Variants in MCM9 observed in about 807,000 individuals in gnomAD.
MCM9 encodes DNA helicase MCM9.
A neutral mutation model predicts 72.8 loss-of-function variants in MCM9; 55 were observed. That is an observed-to-expected ratio of 0.76 (90% CI 0.61 to 0.95). The LOEUF (loss-of-function observed/expected upper bound fraction) is 0.95. MCM9 is among the 40% of genes least tolerant of loss of function. MCM9 has a pLI of 0.00. For synonymous variants in MCM9, 480 were observed against 503.4 expected (o/e 0.95, Z 0.62); for missense variants, 1,279 against 1,377.0 (o/e 0.93, Z 1.13).
At chr6:118,911,055 A>T (rs1342969624) in intron 8 of MCM9, 3 of 983,496 alleles carry the variant, frequency 3.1e-6, no homozygotes, top group South Asian at 9.4e-5. Flanking sequence ...TTTTAAAATA[A>T]TTTTTTTCTA....
chr6:118,905,677 T>C, intron 8 of MCM9: 2 of 1,613,122 alleles, frequency 1.2e-6, no homozygotes, highest in Non-Finnish European at 8.5e-7. Context: ...CCAGGACTCA[T>C]TCCAGATGCA....
intron 11 of MCM9, 136 bp from the exon 12 acceptor site, chr6:118,827,000 A>G (rs2114545287): frequency 5.8e-6 from 4 of 694,666 alleles, no homozygotes; most frequent in African/African-American, 3.6e-5. Flanking sequence ...AACAAGCACA[A>G]AAGTCAACAT....
chr6:118,923,928 C>T lies in MCM9; in HGVS notation c.504G>A (p.Arg168=), dbSNP rs775914314. 6.8e-6 allele frequency: 11 copies of T among 1,614,192 alleles called. No homozygotes were observed. The African/African-American group carries it at 1.2e-4, about 18-fold the overall frequency. Reference sequence around the variant, plus strand: ...TCTCCAAGCTGGGACACGAGGATGGCCGGCAAAAGGTGTAATACTGCTCAA... The same window carrying T: ...TCTCCAAGCTGGGACACGAGGATGGTCGGCAAAAGGTGTAATACTGCTCAA... ...ADFEQYYTFC[R]PSSCPSLESC... is the part of the protein sequence containing the mutation. The change falls in exon 4 of 14, where the codon CGG becomes CGA. Residue 168 remains arginine, a synonymous_variant. Coordinates refer to ENST00000619706, the MANE Select transcript of MCM9 (RefSeq NM_017696.3).
chr6:118,923,520 ATTCTT>A (rs1285541922), intron 4 of MCM9, among the ~76,000 whole-genome samples: 8 of 152,176 alleles, frequency 5.3e-5, no homozygotes, highest in African/African-American at 1.9e-4. Context: ...ATTTTCTTCT[ATTCTT>A]CAGTTAAGAA....
In MCM9 at chr6:118,881,378, T is replaced by C. The variant is rs144553552; in HGVS notation, c.1151-24833A>G. On this transcript the variant is annotated intron_variant, in intron 8 of 13. Transcript: ENST00000619706. Reference sequence around the variant, plus strand: ...AGTACCTCCAGTCAATACATATTTATACACACCCTTCCAAAAAACAGCACT... The same window carrying C: ...AGTACCTCCAGTCAATACATATTTACACACACCCTTCCAAAAAACAGCACT... Among the ~76,000 whole-genome samples the C allele has an allele frequency of 2.5e-3, 387 of 152,304 alleles. 1 individual carries two copies. The highest frequency in any genetic ancestry group is 4.4e-3 in the Non-Finnish European group (296 of 68,020).
intron 8 of MCM9, among the ~76,000 whole-genome samples, chr6:118,871,067 TAGAG>T (rs1038495598): frequency 6.6e-6 from 1 of 151,904 alleles, no homozygotes; most frequent in African/African-American, 2.4e-5. Flanking sequence ...TTCCAAAAAC[TAGAG>T]AGAAAGAGAA....
intron 8 of MCM9, among the ~76,000 whole-genome samples, chr6:118,896,742 A>G (rs1022529628): frequency 4.6e-5 from 7 of 152,216 alleles, no homozygotes; most frequent in Non-Finnish European, 1.0e-4. Context: ...TATGTGGATT[A>G]AGGAAATTTT....
intron 9 of MCM9, among the ~76,000 whole-genome samples, chr6:118,845,730 T>C (rs1775816975): frequency 1.3e-5 from 2 of 151,794 alleles, no homozygotes; most frequent in South Asian, 4.1e-4. Flanking sequence ...CTGCAGCCTG[T>C]CATAGGTGGC....
chr6:118,884,150 A>AT (rs945053928), intron 8 of MCM9, among the ~76,000 whole-genome samples: 2 of 152,240 alleles, frequency 1.3e-5, no homozygotes, highest in African/African-American at 4.8e-5. Context: ...AGAAATAGTA[A>AT]TTAAGAAAGT....
intron 6 of MCM9, among the ~76,000 whole-genome samples, chr6:118,914,174 G>T (rs887842659): frequency 2.0e-5 from 3 of 152,184 alleles, no homozygotes; most frequent in Non-Finnish European, 2.9e-5. Flanking sequence ...GCATTAAGAA[G>T]ATCACTGCAC....
chr6:118,897,321 T>C (rs1779490987), intron 8 of MCM9, among the ~76,000 whole-genome samples: 1 of 152,076 alleles, frequency 6.6e-6, no homozygotes, highest in Non-Finnish European at 1.5e-5. Flanking sequence ...TTAAGATAAT[T>C]TGGTTCTTTC....
chr6:118,818,695 T>C lies in MCM9; in HGVS notation c.1962-2401A>G, dbSNP rs139066779. ...CAACGGTAGCTTGATGGGAATAGCA[T>C]TGAATCTATAAATTACTTTAAGCAG... is the stretch of plus-strand genomic sequence containing the variant. On this transcript the variant is annotated intron_variant, in intron 13 of 13. Transcript: ENST00000619706. Among the ~76,000 whole-genome samples the C allele has an allele frequency of 6.5e-3, 993 of 152,330 alleles. 7 individuals carry two copies. Among genetic ancestry groups the C allele is most frequent in the African/African-American group, 0.022 (923 of 41,572 alleles).
intron 9 of MCM9, among the ~76,000 whole-genome samples, chr6:118,848,074 G>C (rs778501493): frequency 1.7e-4 from 26 of 151,924 alleles, no homozygotes; most frequent in Non-Finnish European, 3.2e-4. Context: ...ATTCAACCAA[G>C]AGATGATGAT....
chr6:118,828,613 G>T (rs1459412917), intron 10 of MCM9, among the ~76,000 whole-genome samples: 5 of 152,134 alleles, frequency 3.3e-5, no homozygotes, highest in Non-Finnish European at 1.5e-5. Context: ...TTGAACTCCT[G>T]ACCTCAGGTG....
At chr6:118,894,581 T>G (rs945560692) in intron 8 of MCM9, 1 of 1,410,276 alleles carries the variant, frequency 7.1e-7, no homozygotes, top group Admixed American at 2.0e-5. Flanking sequence ...GTTGAAAGTT[T>G]CCCGGGCCGG....
At chr6:118,889,884 C>T (rs1484349203) in intron 8 of MCM9, among the ~76,000 whole-genome samples, 1 of 152,148 alleles carries the variant, frequency 6.6e-6, no homozygotes, top group Non-Finnish European at 1.5e-5. Flanking sequence ...ACTTCTAACA[C>T]AATGATGGGT....
At position 118,911,138 on chromosome 6, in the gene MCM9, A is replaced by G. The variant is rs1057065721; in HGVS notation, c.1150+512T>C. The G allele has an allele frequency of 4.1e-6, 4 of 985,316 alleles. No individual in the cohort carries two copies. The South Asian group carries it at 1.4e-4, about 35-fold the overall frequency. 61.0% of individuals were successfully genotyped at this position (985,316 alleles called of 1,614,324 possible). ...GCAAAGGCTTTTAAGTGTACTTGCT[A>G]AAGAATCATTACAACTTATGAATGA... On this transcript the variant is annotated intron_variant, in intron 8 of 13. Transcript: ENST00000619706.
chr6:118,846,814 A>C (rs1775900431), intron 9 of MCM9, among the ~76,000 whole-genome samples: 1 of 151,870 alleles, frequency 6.6e-6, no homozygotes, highest in South Asian at 2.1e-4. Context: ...CCATCACCTT[A>C]ATAGAATACC....
At chr6:118,877,932 A>G (rs1166389268) in intron 8 of MCM9, among the ~76,000 whole-genome samples, 1 of 152,168 alleles carries the variant, frequency 6.6e-6, no homozygotes, top group Non-Finnish European at 1.5e-5. Flanking sequence ...GGAGGCTGAG[A>G]TGAGGGATCA....
Sources: allele counts gnomAD v4.1 joint callset (sites outside exome capture counted in the v4.1 genomes callset), GRCh38; gene constraint gnomAD v4.1.1; transcripts MANE v1.5; gene names NCBI Gene and HGNC (gene_info 2026-07-23, HGNC 2026-07-21).